The following TCERG1L variants were observed in gnomAD, a reference collection of about 807,000 sequenced individuals.
TCERG1L encodes transcription elongation regulator 1 like.
A neutral mutation model predicts 56.3 loss-of-function variants in TCERG1L; 37 were observed. The observed-to-expected ratio is 0.66, with a 90% CI of 0.51 to 0.87. The LOEUF (loss-of-function observed/expected upper bound fraction) is 0.87. TCERG1L is among the 40% of genes least tolerant of loss of function. The pLI, the probability that TCERG1L is intolerant of heterozygous loss-of-function variation, is 0.00. For missense variants in TCERG1L, 799 were observed against 774.2 expected (o/e 1.03, Z -0.38); for synonymous variants, 324 against 326.3 (o/e 0.99, Z 0.08).
At chr10:131,138,443 C>T (rs996124857) in intron 7 of TCERG1L, among the ~76,000 whole-genome samples, 26 of 152,202 alleles carry the variant, frequency 1.7e-4, no homozygotes, top group African/African-American at 6.0e-4. Flanking sequence ...CCCACATCAG[C>T]GATCTCTGGG....
chr10:131,236,420 G>A (rs1845913304), intron 4 of TCERG1L, among the ~76,000 whole-genome samples: 1 of 152,148 alleles, frequency 6.6e-6, no homozygotes. Context: ...ACATTCCAGG[G>A]CCACCAAGCC....
At chr10:131,153,436 C>T (rs562427346) in intron 6 of TCERG1L, among the ~76,000 whole-genome samples, 4 of 152,132 alleles carry the variant, frequency 2.6e-5, no homozygotes, top group Admixed American at 6.5e-5. Context: ...GCACTGAGAC[C>T]CTAGAAACCT....
chr10:131,278,323 C>A (rs923854830), intron 3 of TCERG1L, among the ~76,000 whole-genome samples: 37 of 151,118 alleles, frequency 2.4e-4, no homozygotes, highest in Admixed American at 6.6e-4. Flanking sequence ...TGAGCTACAT[C>A]GTCTTTTCTT....
Position 131,311,350 on chromosome 10 carries a change from C to T in TCERG1L, c.286G>A (p.Ala96Thr). The change falls in exon 1 of 12, where the codon GCG becomes ACG. Residue 96 changes from alanine to threonine, a missense_variant. Ala to Thr is a moderately conservative substitution (Grantham distance 58, BLOSUM62 0). Coordinates refer to ENST00000368642, the MANE Select transcript of TCERG1L (RefSeq NM_174937.4). This position sits in a 1 kb window ranked among gnomAD's most constrained non-coding sequence, Gnocchi z 4.0. The stretch of plus-strand genomic sequence containing the variant: ...GCGGCGGCGGCGGCGGAGTCTGGCG[C>T]AGAGGGCAGCGGCAGCAGCGGGAGC... Reference protein sequence around the residue: ...PVLPLLPLPSAPDSAAAAAAH... With the variant: ...PVLPLLPLPSTPDSAAAAAAH... 1 of 1,202,800 alleles carries T rather than the reference C, an allele frequency of 8.3e-7. No homozygotes were observed. The highest frequency in any genetic ancestry group is 1.0e-6 in the Non-Finnish European group (1 of 970,700). 74.5% of individuals were successfully genotyped at this position (1,202,800 alleles called of 1,614,324 possible).
At chr10:131,154,857 G>A (rs1237001233) in intron 6 of TCERG1L, among the ~76,000 whole-genome samples, 1 of 152,236 alleles carries the variant, frequency 6.6e-6, no homozygotes, top group Non-Finnish European at 1.5e-5. Flanking sequence ...AACTGAAGGG[G>A]CAGCCTGGGC....
chr10:131,119,357 C>T (rs1353818921), intron 8 of TCERG1L, among the ~76,000 whole-genome samples: 1 of 152,226 alleles, frequency 6.6e-6, no homozygotes. Context: ...TATAGACCCA[C>T]TATTCCAGGA....
intron 4 of TCERG1L, among the ~76,000 whole-genome samples, chr10:131,235,801 G>C (rs1382432227): frequency 6.6e-6 from 1 of 152,170 alleles, no homozygotes; most frequent in Non-Finnish European, 1.5e-5. Context: ...CACCAGCAGG[G>C]GCTGGTGGTG....
At chr10:131,233,231 A>C (rs571431702) in intron 4 of TCERG1L, among the ~76,000 whole-genome samples, 1 of 152,338 alleles carries the variant, frequency 6.6e-6, no homozygotes, top group Non-Finnish European at 1.5e-5. Context: ...AGGGAGTGAG[A>C]GAGAGTGGGA....
chr10:131,216,399 AC>A (rs1420055653), intron 4 of TCERG1L, among the ~76,000 whole-genome samples: 2 of 152,204 alleles, frequency 1.3e-5, no homozygotes, highest in Non-Finnish European at 2.9e-5. Flanking sequence ...CCTTTTCGCT[AC>A]AGTGAGGCCT....
chr10:131,119,928 T>C (rs1451415252), intron 8 of TCERG1L, among the ~76,000 whole-genome samples: 1 of 152,168 alleles, frequency 6.6e-6, no homozygotes, highest in East Asian at 1.9e-4. Context: ...GTCCAATGTA[T>C]AGGTTGAAAG....
chr10:131,250,100 G>A lies in TCERG1L; in HGVS notation c.856+10159C>T, dbSNP rs547569200. Reference sequence around the variant, plus strand: ...TCACAGACCAGGCAGGAGCCCAGCCGACTCACATGAAGCTGCATGCGGCGT... The same window carrying A: ...TCACAGACCAGGCAGGAGCCCAGCCAACTCACATGAAGCTGCATGCGGCGT... On this transcript the variant is annotated intron_variant, in intron 4 of 11. Coordinates refer to ENST00000368642, the MANE Select transcript of TCERG1L (RefSeq NM_174937.4). Among the ~76,000 whole-genome samples, 9 of 152,254 alleles carry A rather than the reference G, an allele frequency of 5.9e-5. No individual in the cohort carries two copies. In the East Asian group the frequency reaches 1.2e-3, roughly 20 times the overall value.
intron 4 of TCERG1L, among the ~76,000 whole-genome samples, chr10:131,225,171 T>G (rs1029846307): frequency 1.3e-5 from 2 of 152,238 alleles, no homozygotes; most frequent in African/African-American, 4.8e-5. Context: ...CATCATGCAC[T>G]GTATTAGTTT....
chr10:131,096,699 G>C (rs1382535958), intron 11 of TCERG1L, among the ~76,000 whole-genome samples: 1 of 152,132 alleles, frequency 6.6e-6, no homozygotes, highest in African/African-American at 2.4e-5. Context: ...AGGAGATCCA[G>C]ACCATCCTGG....
intron 4 of TCERG1L, among the ~76,000 whole-genome samples, chr10:131,218,070 C>T (rs935104837): frequency 1.3e-5 from 2 of 152,122 alleles, no homozygotes; most frequent in Non-Finnish European, 2.9e-5. Context: ...GCCACGAGAG[C>T]AGGAGCCACA....
At chr10:131,109,835 G>C (rs762631041) in intron 9 of TCERG1L, among the ~76,000 whole-genome samples, 2 of 152,234 alleles carry the variant, frequency 1.3e-5, no homozygotes, top group Non-Finnish European at 2.9e-5. Flanking sequence ...CATTTCCACA[G>C]TGGAAGAAGC....
intron 1 of TCERG1L, 113 bp from the exon 2 acceptor site, chr10:131,309,412 T>C (rs1224033986): frequency 2.2e-6 from 3 of 1,367,290 alleles, no homozygotes; most frequent in Non-Finnish European, 3.0e-6. Context: ...AATGTATGTA[T>C]TTGATTATCA....
At chr10:131,105,820 C>T (rs1235275324) in intron 9 of TCERG1L, among the ~76,000 whole-genome samples, 8 of 152,220 alleles carry the variant, frequency 5.3e-5, no homozygotes, top group African/African-American at 1.9e-4. Context: ...GGCTGGACTC[C>T]AGTGTGACTT....
chr10:131,292,441 T>C (rs1430919021), intron 3 of TCERG1L, among the ~76,000 whole-genome samples: 1 of 152,232 alleles, frequency 6.6e-6, no homozygotes, highest in African/African-American at 2.4e-5. Context: ...TTCTGTTACA[T>C]TTTCCCCAAT....
chr10:131,165,738 A>C (rs1846023594), intron 5 of TCERG1L, among the ~76,000 whole-genome samples: 1 of 152,108 alleles, frequency 6.6e-6, no homozygotes, highest in Non-Finnish European at 1.5e-5. Context: ...GATGGGGACT[A>C]ATGTTTAAAT....
Sources: gnomAD v4.1 joint callset for allele counts (sites outside exome capture counted in the v4.1 genomes callset) on GRCh38, gnomAD v4.1.1 for gene constraint, Gnocchi (gnomAD v3.1) non-coding constraint, MANE v1.5 for transcripts, NCBI Gene and HGNC (gene_info 2026-07-23, HGNC 2026-07-21) for gene names.